BCAR3: variants seen among roughly 807,000 people sequenced by gnomAD.
BCAR3 encodes the protein BCAR3 adaptor protein, NSP family member.
In BCAR3, 37 loss-of-function variants were observed where a neutral mutation model predicts 80.1. The ratio of observed to expected loss-of-function variants is 0.46; its 90% CI spans 0.36 to 0.61. BCAR3 has a LOEUF of 0.61. Among genes scored for constraint, BCAR3 ranks in the 20% least tolerant of loss-of-function variants. The pLI is 0.00. For missense variants in BCAR3, 978 were observed against 1,068.2 expected (o/e 0.92, Z 1.18); for synonymous variants, 389 against 418.9 (o/e 0.93, Z 0.87).
At chr1:93,742,731 TC>T in intron 2 of BCAR3, among the ~76,000 whole-genome samples, 1 of 152,214 alleles carries the variant, frequency 6.6e-6, no homozygotes, top group Non-Finnish European at 1.5e-5. Context: ...GACAAGACCT[TC>T]CTAGGTTTCT....
intron 2 of BCAR3, among the ~76,000 whole-genome samples, chr1:93,729,443 G>T (rs563060223): frequency 6.6e-6 from 1 of 152,176 alleles, no homozygotes; most frequent in Admixed American, 6.5e-5. Context: ...TCTACTGAAT[G>T]TAGATAGTTT....
intron 7 of BCAR3, among the ~76,000 whole-genome samples, chr1:93,577,923 G>A (rs1056425792): frequency 1.3e-5 from 2 of 152,188 alleles, no homozygotes; most frequent in African/African-American, 2.4e-5. Context: ...CTGGAGCCAC[G>A]CCTGCTTGCC....
At chr1:93,824,367 T>C (rs1311838454) in intron 2 of BCAR3, among the ~76,000 whole-genome samples, 2 of 134,082 alleles carry the variant, frequency 1.5e-5, no homozygotes, top group African/African-American at 5.0e-5. Flanking sequence ...CTGTTGGCAC[T>C]GAACACACAG....
At chr1:93,628,360 C>G (rs1675511414) in intron 3 of BCAR3, among the ~76,000 whole-genome samples, 1 of 152,188 alleles carries the variant, frequency 6.6e-6, no homozygotes, top group African/African-American at 2.4e-5. Context: ...GCCCCTGTCC[C>G]CTGCAGTCTA....
At chr1:93,756,033 T>C (rs1467801227) in intron 2 of BCAR3, among the ~76,000 whole-genome samples, 1 of 152,198 alleles carries the variant, frequency 6.6e-6, no homozygotes, top group East Asian at 1.9e-4. Flanking sequence ...CCCAGTTTCA[T>C]GGGCTTTGTG....
At chr1:93,674,532 G>A (rs1648369763) in intron 2 of BCAR3, 82 bp downstream of exon 2, 6 of 1,456,858 alleles carry the variant, frequency 4.1e-6, no homozygotes, top group South Asian at 2.5e-5. Context: ...TTACAGGTGT[G>A]AGCCACCACG....
intron 2 of BCAR3, among the ~76,000 whole-genome samples, chr1:93,820,170 G>T (rs1352385116): frequency 6.6e-6 from 1 of 152,178 alleles, no homozygotes; most frequent in African/African-American, 2.4e-5. Flanking sequence ...AAATTGGTAA[G>T]AATACCAAAA....
At chr1:93,686,361 G>A (rs571920095), upstream of BCAR3, among the ~76,000 whole-genome samples, 19 of 152,220 alleles carry the variant, frequency 1.2e-4, no homozygotes, top group South Asian at 3.1e-3. Flanking sequence ...CTATGATTGT[G>A]CCTGTGCATA....
chr1:93,722,640 C>A (rs1413320293), intron 2 of BCAR3, among the ~76,000 whole-genome samples: 1 of 152,152 alleles, frequency 6.6e-6, no homozygotes, highest in East Asian at 1.9e-4. Context: ...CTTTCTATAT[C>A]ATAAATCCTC....
upstream of BCAR3, among the ~76,000 whole-genome samples, chr1:93,686,369 A>G (rs534525078): frequency 6.6e-6 from 1 of 152,280 alleles, no homozygotes; most frequent in Admixed American, 6.5e-5. Flanking sequence ...GTGCCTGTGC[A>G]TAGCCACTGC....
At position 93,652,136 on chromosome 1, in the gene BCAR3, C is replaced by T. The variant is rs1236097102; in HGVS notation, c.318-9793G>A. Among the ~76,000 whole-genome samples the T allele has an allele frequency of 5.9e-5, 9 of 152,180 alleles. No individual in the cohort carries two copies. In the East Asian group the frequency reaches 1.7e-3, roughly 29 times the overall value. ...CCTCTTAGTGCTGCTCCCAGGTGAACCCAGCAAGGCCTGCTACGGGAGCCT... is the reference window on the plus strand; with the variant it reads ...CCTCTTAGTGCTGCTCCCAGGTGAATCCAGCAAGGCCTGCTACGGGAGCCT... On this transcript the variant is annotated intron_variant, in intron 2 of 11. Coordinates refer to ENST00000260502, the MANE Select transcript of BCAR3 (RefSeq NM_003567.4).
intron 2 of BCAR3, among the ~76,000 whole-genome samples, chr1:93,818,785 G>T (rs1654104007): frequency 2.0e-5 from 3 of 152,196 alleles, no homozygotes; most frequent in Admixed American, 2.0e-4. Flanking sequence ...TAAGTGCTGT[G>T]TAGGAGAGTA....
upstream of BCAR3, chr1:93,847,213 C>G (rs1012625553): frequency 5.3e-6 from 1 of 189,348 alleles, no homozygotes; most frequent in Admixed American, 6.5e-5. Flanking sequence ...GAGCGGCCGC[C>G]GGAGAGACCT....
At chr1:93,623,556 C>A (rs772030344) in intron 3 of BCAR3, among the ~76,000 whole-genome samples, 1 of 152,214 alleles carries the variant, frequency 6.6e-6, no homozygotes, top group Non-Finnish European at 1.5e-5. Context: ...AGCCCACAGC[C>A]AGGCCCTCAC....
intron 2 of BCAR3, among the ~76,000 whole-genome samples, chr1:93,781,043 C>G (rs1851): frequency 0.12 from 18,509 of 152,222 alleles, 1,638 homozygotes; most frequent in African/African-American, 0.24. Context: ...AGGGCAGCCA[C>G]CATGTATAGA....
At chr1:93,786,037 CA>C (rs368148293) in intron 2 of BCAR3, among the ~76,000 whole-genome samples, 3,648 of 139,318 alleles carry the variant, frequency 0.026, 238 homozygotes, top group Non-Finnish European at 0.039. Context: ...ACTAAAAATA[CA>C]AAAAATTAGC....
At chr1:93,605,714 T>G (rs1674753215) in intron 3 of BCAR3, 1 of 152,250 alleles carries the variant, frequency 6.6e-6, no homozygotes, top group Non-Finnish European at 1.5e-5. Flanking sequence ...TCCTATTTGC[T>G]CTTCAATAAG....
At position 93,582,501 on chromosome 1, in the gene BCAR3, T is replaced by C. The variant is rs1673753956; in HGVS notation, c.1486A>G (p.Lys496Glu). Reference protein sequence around the residue: ...PWEPAAAQMEKGQWDKGEFVT... With the variant: ...PWEPAAAQMEEGQWDKGEFVT... Reference sequence around the variant, plus strand: ...AACTCGCCCTTGTCCCACTGCCCCTTCTCCATCTGAGCTGCCGCAGGTTCC... The same window carrying C: ...AACTCGCCCTTGTCCCACTGCCCCTCCTCCATCTGAGCTGCCGCAGGTTCC... Residue 496 changes from lysine to glutamate, a missense_variant, in exon 7 of 12, where the codon AAG becomes GAG. Lys to Glu is a moderately conservative substitution (Grantham distance 56). Transcript: ENST00000260502. The C allele has an allele frequency of 6.2e-7, 1 of 1,614,030 alleles. No homozygotes were observed. Among genetic ancestry groups the C allele is most frequent in the Non-Finnish European group, 8.5e-7 (1 of 1,179,990 alleles).
intron 2 of BCAR3, among the ~76,000 whole-genome samples, chr1:93,769,289 T>C (rs1328722491): frequency 6.6e-6 from 1 of 152,040 alleles, no homozygotes; most frequent in Non-Finnish European, 1.5e-5. Flanking sequence ...CAGAGCTCCC[T>C]CTTCACTTCC....
Sources: allele counts gnomAD v4.1 joint callset (sites outside exome capture counted in the v4.1 genomes callset), GRCh38; gene constraint gnomAD v4.1.1; transcripts MANE v1.5; gene names NCBI Gene and HGNC (gene_info 2026-07-23, HGNC 2026-07-21).